The following SBK1 variants were observed in gnomAD, a reference collection of about 807,000 sequenced individuals.
The protein encoded by SBK1 is serine/threonine-protein kinase SBK1.
Under a neutral mutation model 24.4 loss-of-function variants are expected in SBK1, and 11 were observed. The observed-to-expected ratio is 0.45, with a 90% confidence interval of 0.28 to 0.75. The LOEUF is 0.75. Ranked by LOEUF, SBK1 falls within the 30% of genes least tolerant of loss-of-function variation. SBK1 has a pLI of 0.12. For missense variants in SBK1, 467 were observed against 620.5 expected, an observed-to-expected ratio of 0.75 and a Z score of 2.63; for synonymous variants, 308 against 284.4, an observed-to-expected ratio of 1.08 and a Z score of -0.83.
upstream of SBK1, among the ~76,000 whole-genome samples, chr16:28,289,416 AGG>A (rs2141573115): frequency 6.6e-6 from 1 of 152,316 alleles, no homozygotes; most frequent in East Asian, 1.9e-4. Flanking sequence ...ACAAGGAGGA[AGG>A]GAAAGGTGTT....
intron 2 of SBK1, 132 bp from the exon 3 acceptor site, chr16:28,318,863 C>T (rs1386731228): frequency 1.2e-5 from 9 of 745,926 alleles, no homozygotes; most frequent in South Asian, 3.1e-5. Flanking sequence ...GGTCTGTTCC[C>T]ATCCGTGAGA....
intron 1 of SBK1, among the ~76,000 whole-genome samples, chr16:28,301,379 A>T (rs1372920054): frequency 6.6e-6 from 1 of 152,154 alleles, no homozygotes; most frequent in Non-Finnish European, 1.5e-5. Flanking sequence ...GCCACCAAAG[A>T]TGTGCCCCGA....
intron 1 of SBK1, among the ~76,000 whole-genome samples, chr16:28,272,144 A>G (rs1214964764): frequency 1.3e-5 from 2 of 152,192 alleles, no homozygotes; most frequent in Admixed American, 6.6e-5. Flanking sequence ...ATCACAGCTC[A>G]CTGCAGCCTC....
rs1160741491 is a variant in SBK1 at position 28,322,931 on chromosome 16, C to CCTCTCTCTCTCT, written c.*2048_*2059dup. 9.0e-4 allele frequency: 50 copies of CCTCTCTCTCTCT among 55,380 alleles called. 1 individual carries two copies. Among genetic ancestry groups the CCTCTCTCTCTCT allele is most frequent in the African/African-American group, 3.6e-3 (44 of 12,212 alleles). 3.4% of individuals were successfully genotyped at this position (55,380 alleles called of 1,614,324 possible). ...CTCTCTCGCGCGCGCTCTCTCTCTCCCTCTCTCTCTCTCTCTCTCTCTCTC... is the reference window on the plus strand; with the variant it reads ...CTCTCTCGCGCGCGCTCTCTCTCTCCCTCTCTCTCTCTCTCTCTCTCTCTCTCTCTCTCTCTC... On this transcript the variant is annotated 3_prime_UTR_variant, in exon 4 of 4. Coordinates refer to ENST00000341901, the MANE Select transcript of SBK1 (RefSeq NM_001024401.3).
intron 1 of SBK1, among the ~76,000 whole-genome samples, chr16:28,294,077 G>C (rs2044621725): frequency 6.6e-6 from 1 of 152,058 alleles, no homozygotes; most frequent in Non-Finnish European, 1.5e-5. Context: ...GAACACCCAG[G>C]TTAAACCAAG....
chr16:28,271,954 G>A (rs2044468154), intron 1 of SBK1, among the ~76,000 whole-genome samples: 1 of 152,152 alleles, frequency 6.6e-6, no homozygotes, highest in Non-Finnish European at 1.5e-5. Context: ...ACCCAAATAA[G>A]TTGAAAATTT....
chr16:28,283,176 C>A (rs537680368), intron 1 of SBK1, among the ~76,000 whole-genome samples: 1 of 152,134 alleles, frequency 6.6e-6, no homozygotes, highest in South Asian at 2.1e-4. Context: ...CGTGATCCAC[C>A]CACCTCGGCC....
In SBK1 at chr16:28,319,096, A is replaced by G. The variant is rs199553447; in HGVS notation, c.328A>G (p.Ile110Val). The stretch of plus-strand genomic sequence containing the variant: ...CAACAGCCTCTCCTCCAGCCCCTTC[A>G]TCATCAAGGTCTTTGACGTGGTCTT... The part of the protein sequence containing the change: ...ITNSLSSSPF[I>V]IKVFDVVFET... Residue 110 changes from isoleucine to valine, a missense_variant, in exon 3 of 4, where the codon ATC (isoleucine) becomes GTC (valine). By Grantham distance (29) the Ile-to-Val change is conservative. Transcript: ENST00000341901. This position sits in a 1 kb window ranked among gnomAD's most constrained non-coding sequence, Gnocchi z 4.0. The G allele has an allele frequency of 2.4e-5, 39 of 1,614,020 alleles. No individual in the cohort carries two copies. Among genetic ancestry groups the G allele is most frequent in the Admixed American group, 1.7e-4 (10 of 59,984 alleles).
intron 1 of SBK1, among the ~76,000 whole-genome samples, chr16:28,295,965 G>T (rs941548887): frequency 2.2e-4 from 26 of 119,234 alleles, no homozygotes; most frequent in Admixed American, 1.0e-3. Flanking sequence ...CACTCTTGTT[G>T]CCCGGGCTGG....
Position 28,317,345 on chromosome 16 carries a change from C to A in SBK1, c.-7-40C>A. 1 of 1,509,372 alleles carries A rather than the reference C, an allele frequency of 6.6e-7. No individual in the cohort carries two copies. Among genetic ancestry groups the A allele is most frequent in the Non-Finnish European group, 9.2e-7 (1 of 1,087,940 alleles). The allele number at this position is 1,509,372 out of a possible 1,614,324, so 93.5% of individuals were successfully genotyped here. On this transcript the variant is annotated intron_variant, in intron 1 of 3. Coordinates refer to ENST00000341901, the MANE Select transcript of SBK1 (RefSeq NM_001024401.3). The surrounding 1 kb of genome is among the most constrained non-coding windows in gnomAD (Gnocchi z 4.2). ...GAGGGGCTGGAGGAGGGGACCCTTG[C>A]CTGATGTCACACTTCATGCTCACCA...
intron 1 of SBK1, among the ~76,000 whole-genome samples, chr16:28,305,909 C>A (rs759496372): frequency 6.6e-6 from 1 of 152,168 alleles, no homozygotes; most frequent in Non-Finnish European, 1.5e-5. Context: ...CCTTGCCTTG[C>A]TTACATATTT....
chr16:28,261,224 C>T (rs887242883), intron 1 of SBK1, among the ~76,000 whole-genome samples: 2 of 152,096 alleles, frequency 1.3e-5, no homozygotes, highest in Admixed American at 1.3e-4. Flanking sequence ...TGATAGAACC[C>T]CGTGTTCATA....
rs1184425008 is a variant in SBK1, at chr16:28,322,931, C to CTCTCTCTCTCT, written c.*2010_*2011insTCTCTCTCTCT. The stretch of plus-strand genomic sequence containing the variant: ...CTCTCTCGCGCGCGCTCTCTCTCTC[C>CTCTCTCTCTCT]CTCTCTCTCTCTCTCTCTCTCTCTC... On this transcript the variant is annotated 3_prime_UTR_variant, in exon 4 of 4. Coordinates refer to ENST00000341901, the MANE Select transcript of SBK1 (RefSeq NM_001024401.3). 3.6e-5 allele frequency: 2 copies of CTCTCTCTCTCT among 55,346 alleles called. No homozygotes were observed. Among genetic ancestry groups the CTCTCTCTCTCT allele is most frequent in the African/African-American group, 8.2e-5 (1 of 12,184 alleles). 3.4% of individuals were successfully genotyped at this position (55,346 alleles called of 1,614,324 possible). A position where few individuals can be genotyped will look rare whatever the true frequency, so the allele number is the denominator to read the frequency against.
intron 1 of SBK1, among the ~76,000 whole-genome samples, chr16:28,300,928 C>T (rs906608876): frequency 3.9e-5 from 6 of 152,214 alleles, no homozygotes; most frequent in Admixed American, 2.6e-4. Context: ...GGGCTGTCTT[C>T]AGTCCATCCC....
chr16:28,262,003 G>A (rs1597006536), intron 1 of SBK1, among the ~76,000 whole-genome samples: 1 of 152,314 alleles, frequency 6.6e-6, no homozygotes, highest in Non-Finnish European at 1.5e-5. Context: ...TTTAAGACCT[G>A]GGAGGGGACA....
chr16:28,309,435 G>A (rs980283541), intron 1 of SBK1, among the ~76,000 whole-genome samples: 1 of 152,156 alleles, frequency 6.6e-6, no homozygotes, highest in African/African-American at 2.4e-5. Context: ...ATAACTATGG[G>A]CGGATCATCC....
At chr16:28,264,004 C>T (rs1306061769) in intron 1 of SBK1, among the ~76,000 whole-genome samples, 1 of 152,012 alleles carries the variant, frequency 6.6e-6, no homozygotes, top group Non-Finnish European at 1.5e-5. Context: ...TGTCGTGGGC[C>T]TGTAGTCCCA....
intron 1 of SBK1, among the ~76,000 whole-genome samples, chr16:28,313,142 A>C (rs758446777): frequency 2.0e-5 from 3 of 152,042 alleles, no homozygotes; most frequent in Non-Finnish European, 4.4e-5. Flanking sequence ...AATACGAAAA[A>C]AAATTATCTG....
At chr16:28,315,976 G>C (rs1213289255) in intron 1 of SBK1, among the ~76,000 whole-genome samples, 1 of 152,094 alleles carries the variant, frequency 6.6e-6, no homozygotes, top group Non-Finnish European at 1.5e-5. Context: ...ACATTGACCA[G>C]TCTGGTCTCG....
Sources: gnomAD v4.1 joint callset for allele counts (sites outside exome capture counted in the v4.1 genomes callset) on GRCh38, gnomAD v4.1.1 for gene constraint, Gnocchi (gnomAD v3.1) non-coding constraint, MANE v1.5 for transcripts, NCBI Gene and HGNC (gene_info 2026-07-23, HGNC 2026-07-21) for gene names.